Variants in IARS1 observed in about 807,000 individuals in gnomAD.
IARS1 encodes the protein isoleucyl-tRNA synthetase 1.
A neutral mutation model predicts 168.2 loss-of-function variants in IARS1; 124 were observed. The ratio of observed to expected loss-of-function variants is 0.74; its 90% CI spans 0.64 to 0.86. IARS1 has a LOEUF of 0.86. Ranked by LOEUF, IARS1 falls within the 40% of genes least tolerant of loss-of-function variation. The pLI, the probability that IARS1 is intolerant of heterozygous loss-of-function variation, is 0.00. For missense variants in IARS1, 1,452 were observed against 1,515.8 expected, an observed-to-expected ratio of 0.96 and a Z score of 0.70; for synonymous variants, 532 against 529.4, an observed-to-expected ratio of 1.00 and a Z score of -0.07.
chr9:92,229,154 A>G (rs757894834), intron 30 of IARS1, 28 bp from the exon 31 acceptor site: 2 of 1,601,856 alleles, frequency 1.2e-6, no homozygotes, highest in East Asian at 4.5e-5. Flanking sequence ...TAACACCTCA[A>G]TCAGACAAAT....
At chr9:92,286,388 C>T (rs879287800) in intron 5 of IARS1, 148 bp downstream of exon 5, 3 of 576,172 alleles carry the variant, frequency 5.2e-6, no homozygotes, top group African/African-American at 1.9e-5. Context: ...AATAAAAGTT[C>T]TACATTCAAA....
intron 33 of IARS1, among the ~76,000 whole-genome samples, chr9:92,219,300 A>G (rs1839289994): frequency 6.6e-6 from 1 of 152,170 alleles, no homozygotes; most frequent in South Asian, 2.1e-4. Flanking sequence ...CATTAGACCT[A>G]AAACCATAAA....
At chr9:92,287,416 T>G (rs1032986642) in intron 4 of IARS1, 1 of 154,886 alleles carries the variant, frequency 6.5e-6, no homozygotes, top group African/African-American at 2.4e-5. Flanking sequence ...GAAAGATGGA[T>G]GAAGGATATA....
intron 20 of IARS1, chr9:92,253,995 C>A (rs1830382123): frequency 1.2e-5 from 5 of 420,502 alleles, no homozygotes; most frequent in South Asian, 9.0e-5. Context: ...GAGGGTAGCA[C>A]GGTGCTACTG....
chr9:92,250,675 C>G, intron 23 of IARS1, 38 bp downstream of exon 23: 1 of 1,520,984 alleles, frequency 6.6e-7, no homozygotes, highest in South Asian at 1.2e-5. Context: ...CTCTCCCCTC[C>G]TTGGCACAGG....
intron 26 of IARS1, among the ~76,000 whole-genome samples, chr9:92,246,011 C>T (rs1043603088): frequency 1.5e-4 from 23 of 152,224 alleles, no homozygotes; most frequent in African/African-American, 5.5e-4. Flanking sequence ...CTCCTGATTT[C>T]GTGATCTGCC....
chr9:92,213,651 G>C (rs184660338), intron 33 of IARS1, among the ~76,000 whole-genome samples: 125 of 152,304 alleles, frequency 8.2e-4, no homozygotes, highest in Admixed American at 4.1e-3. Context: ...CTGGCCTCCA[G>C]AGCTGTGAGA....
intron 10 of IARS1, among the ~76,000 whole-genome samples, chr9:92,273,680 C>T (rs1410916154): frequency 6.6e-6 from 1 of 152,212 alleles, no homozygotes; most frequent in Non-Finnish European, 1.5e-5. Context: ...TGCACCCGTA[C>T]CCTCTACATC....
chr9:92,214,361 G>C (rs538321698), intron 33 of IARS1, among the ~76,000 whole-genome samples: 1 of 152,058 alleles, frequency 6.6e-6, no homozygotes, highest in African/African-American at 2.4e-5. Flanking sequence ...TTTGAGACCA[G>C]CCTGGCCAAC....
At position 92,245,082 on chromosome 9, in the gene IARS1, G is replaced by A. The variant is rs1828989926; in HGVS notation, c.2792-11C>T. Reference sequence around the variant, plus strand: ...CCACAACAATGGTCCCTATGGAGAAGCAGCTACACTGTTAATCAGCTTCCC... The same window carrying A: ...CCACAACAATGGTCCCTATGGAGAAACAGCTACACTGTTAATCAGCTTCCC... On this transcript the variant is annotated splice_polypyrimidine_tract_variant and intron_variant, in intron 26 of 33. Coordinates refer to ENST00000443024, the MANE Select transcript of IARS1 (RefSeq NM_002161.6). 3 of 1,607,484 alleles carry A rather than the reference G, an allele frequency of 1.9e-6. No homozygotes were observed. Among genetic ancestry groups the A allele is most frequent in the Admixed American group, 1.7e-5 (1 of 59,982 alleles).
chr9:92,271,711 A>AT (rs1164290163), intron 10 of IARS1, 56 bp from the exon 11 acceptor site: 32 of 1,562,924 alleles, frequency 2.0e-5, no homozygotes, highest in Non-Finnish European at 2.6e-5. Context: ...GGGTGTGAGC[A>AT]TGAGGTAATA....
chr9:92,247,150 C>T (rs904147541), intron 26 of IARS1, among the ~76,000 whole-genome samples: 11 of 152,050 alleles, frequency 7.2e-5, no homozygotes, highest in African/African-American at 2.2e-4. Flanking sequence ...GCCAAGATCG[C>T]GCCACTGTGC....
chr9:92,256,569 A>C (rs1830750669), intron 20 of IARS1, 111 bp downstream of exon 20: 2 of 1,125,496 alleles, frequency 1.8e-6, no homozygotes, highest in Non-Finnish European at 2.5e-6. Context: ...GTAAAAGGAA[A>C]CAATTATTTA....
chr9:92,215,829 C>T (rs1838579208), intron 33 of IARS1, among the ~76,000 whole-genome samples: 1 of 151,940 alleles, frequency 6.6e-6, no homozygotes, highest in Non-Finnish European at 1.5e-5. Flanking sequence ...GAGAATGGAA[C>T]CAAGTTGGAA....
chr9:92,217,071 G>A (rs1205135385), intron 33 of IARS1, among the ~76,000 whole-genome samples: 1 of 147,996 alleles, frequency 6.8e-6, no homozygotes, highest in Admixed American at 6.7e-5. Context: ...ATAACAAACT[G>A]TCTCTCAGAC....
intron 17 of IARS1, among the ~76,000 whole-genome samples, chr9:92,262,170 T>C (rs983581260): frequency 6.6e-6 from 1 of 152,156 alleles, no homozygotes; most frequent in Non-Finnish European, 1.5e-5. Flanking sequence ...GCAAGTCACT[T>C]TTTCCTGTCC....
At chr9:92,240,543 A>G in intron 30 of IARS1, 1 of 624,792 alleles carries the variant, frequency 1.6e-6, no homozygotes, top group Non-Finnish European at 2.9e-6. Context: ...TACAGGTGTG[A>G]GCTACCATGC....
In IARS1 at chr9:92,286,583, AAAGTCAATCCATCGGCC is replaced by A; in HGVS notation, c.415_431del (p.Gly139Ter). On this transcript the variant is annotated frameshift_variant, in exon 5 of 34. Coordinates refer to ENST00000443024, the MANE Select transcript of IARS1 (RefSeq NM_002161.6). LOFTEE classifies it high-confidence loss of function. ...GATACAGAGTTTTATAGTCATTGTCAAAGTCAATCCATCGGCCAAGTCTGCTAACAGTAGACTTTAAA... is the reference window on the plus strand; with the variant it reads ...GATACAGAGTTTTATAGTCATTGTCAAAGTCTGCTAACAGTAGACTTTAAA... The A allele has an allele frequency of 6.2e-7, 1 of 1,600,560 alleles. No individual in the cohort carries two copies. Among genetic ancestry groups the A allele is most frequent in the South Asian group, 1.1e-5 (1 of 90,740 alleles).
intron 30 of IARS1, among the ~76,000 whole-genome samples, chr9:92,235,436 A>C (rs1827338971): frequency 6.6e-6 from 1 of 151,672 alleles, no homozygotes; most frequent in South Asian, 2.1e-4. Flanking sequence ...TGGGTGTTGA[A>C]TTTGATCAAA....
Sources: gnomAD v4.1 joint callset for allele counts (sites outside exome capture counted in the v4.1 genomes callset) on GRCh38, gnomAD v4.1.1 for gene constraint, MANE v1.5 for transcripts, NCBI Gene and HGNC (gene_info 2026-07-23, HGNC 2026-07-21) for gene names.